The following MXRA5 variants were observed in gnomAD, a reference collection of about 807,000 sequenced individuals.
MXRA5 encodes matrix remodeling associated 5, also known as matrix-remodeling-associated protein 5.
Under a neutral mutation model 112.5 loss-of-function variants are expected in MXRA5, and 41 were observed. That is an observed-to-expected ratio of 0.36 (90% CI 0.28 to 0.47). MXRA5 has a LOEUF of 0.47. Among genes scored for constraint, MXRA5 ranks in the 20% least tolerant of loss-of-function variants. The pLI is 0.99. For synonymous variants in MXRA5, 862 were observed against 900.8 expected (o/e 0.96, Z 0.77); for missense variants, 2,150 against 2,251.0 (o/e 0.96, Z 0.91).
chrX:3,344,546 T>C (rs1286993947), intron 1 of MXRA5, among the ~76,000 whole-genome samples: 1 of 111,446 alleles, frequency 9.0e-6, no homozygotes, highest in African/African-American at 3.3e-5. Context: ...AGGGACTGCT[T>C]ATGAAATATA....
chrX:3,323,545 G>A lies in MXRA5; in HGVS notation c.2140C>T (p.Leu714Phe), dbSNP rs145533981. The A allele has an allele frequency of 1.1e-5, 13 of 1,211,136 alleles. No homozygotes were observed. Among genetic ancestry groups the A allele is most frequent in the Non-Finnish European group, 1.5e-5 (13 of 895,413 alleles). The change falls in exon 5 of 7, where the codon CTT (leucine) becomes TTT (phenylalanine). Residue 714 changes from leucine (L) to phenylalanine (F), a missense_variant. Coordinates refer to ENST00000217939, the MANE Select transcript of MXRA5 (RefSeq NM_015419.4). ...ACCTCTTGGTCCTTTGGATGCAGAA[G>A]TCTCCTTGAAGTGTTCTCTTCATCT... The part of the protein sequence containing the change: ...MGDEENTSRR[L>F]LHPKDQEVFL...
At position 3,330,000 on chromosome X, in the gene MXRA5, G is replaced by A. The variant is rs533145029; in HGVS notation, c.709+18C>T. On this transcript the variant is annotated intron_variant, in intron 4 of 6. Coordinates refer to ENST00000217939, the MANE Select transcript of MXRA5 (RefSeq NM_015419.4). ...AAGAATGTGCAGCTAGGAGTGGTCT[G>A]CTCTCCTCTCTTCTTACCTCTGGAT... 19 of 1,198,958 alleles carry A rather than the reference G, an allele frequency of 1.6e-5. No homozygotes were observed. The South Asian group carries it at 3.5e-4, about 22-fold the overall frequency.
intron 2 of MXRA5, among the ~76,000 whole-genome samples, chrX:3,334,339 G>A (rs1921737750): frequency 8.9e-6 from 1 of 111,760 alleles, no homozygotes; most frequent in Non-Finnish European, 1.9e-5. Context: ...TCCCAGAGAA[G>A]TTACCAAGCT....
intron 6 of MXRA5, among the ~76,000 whole-genome samples, chrX:3,312,729 AG>A (rs1237993062): frequency 1.7e-5 from 1 of 59,211 alleles, no homozygotes; most frequent in Non-Finnish European, 3.7e-5. Flanking sequence ...GCCTGGATGG[AG>A]TTTTTTTTAT....
chrX:3,315,255 C>T (rs1921064170), intron 6 of MXRA5, among the ~76,000 whole-genome samples: 1 of 107,096 alleles, frequency 9.3e-6, no homozygotes, highest in South Asian at 4.3e-4. Context: ...CTAAGGAACA[C>T]CTGATGCCTG....
rs148224914 is a variant in MXRA5, at chrX:3,317,941, C to T, written c.5740G>A (p.Val1914Met). 1,700 of 1,208,279 alleles carry T rather than the reference C, an allele frequency of 1.4e-3. 16 individuals are homozygous for T. Among genetic ancestry groups the T allele is most frequent in the Non-Finnish European group, 5.7e-4 (514 of 894,437 alleles). ...RFEVLKNGTL[V>M]IRKVQVQDRG... ...TCTTGTACTTGAACCTTCCGTATCA[C>T]TAAGGTACCGTTCTTGAGAACCTCA... is the stretch of plus-strand genomic sequence containing the variant. The change falls in exon 6 of 7, where the codon GTG (valine) becomes ATG (methionine). Residue 1914 changes from valine (V) to methionine (M), a missense_variant. By Grantham distance (21) the Val-to-Met change is conservative. Transcript: ENST00000217939.
chrX:3,344,387 T>C (rs1485686878), intron 1 of MXRA5, among the ~76,000 whole-genome samples: 1 of 111,963 alleles, frequency 8.9e-6, no homozygotes, highest in Non-Finnish European at 1.9e-5. Flanking sequence ...AGGTATTTGC[T>C]AGAAGGATAT....
At position 3,344,956 on chromosome X, in the gene MXRA5, T is replaced by TACAAACAA. The variant is rs150505334; in HGVS notation, c.-28-1103_-28-1096dup. ...GGAAAAACCCCGTCTCTACTAAAAA[T>TACAAACAA]ACAAACAAACAAACAAACAAAACAA... On this transcript the variant is annotated intron_variant, in intron 1 of 6. Transcript: ENST00000217939. Among the ~76,000 whole-genome samples, 265 of 108,779 alleles carry TACAAACAA rather than the reference T, an allele frequency of 2.4e-3. 1 individual carries two copies. The highest frequency in any genetic ancestry group is 8.2e-3 in the African/African-American group (243 of 29,747). 94.5% of individuals were successfully genotyped at this position (108,779 alleles called of 115,157 possible). A position where few individuals can be genotyped will look rare whatever the true frequency, so the allele number is the denominator to read the frequency against.
rs751855399 is a variant in MXRA5 at position 3,345,898 on chromosome X, C to T, written c.-29+617G>A. On this transcript the variant is annotated intron_variant, in intron 1 of 6. Coordinates refer to ENST00000217939, the MANE Select transcript of MXRA5 (RefSeq NM_015419.4). Reference sequence around the variant, plus strand: ...GTCCCCGCCGCCCGGGACTCGGACACCAAACCCCTTTTGTCTGCGTGATGA... The same window carrying T: ...GTCCCCGCCGCCCGGGACTCGGACATCAAACCCCTTTTGTCTGCGTGATGA... Among the ~76,000 whole-genome samples, 3 of 113,022 alleles carry T rather than the reference C, an allele frequency of 2.7e-5. No homozygotes were observed. The South Asian group carries it at 1.1e-3, about 41-fold the overall frequency.
Position 3,321,615 on chromosome X carries a change from G to A in MXRA5, c.4070C>T (p.Ser1357Phe). 8.3e-7 allele frequency: 1 copy of A among 1,210,962 alleles called. No homozygotes were observed. Among genetic ancestry groups the A allele is most frequent in the South Asian group, 1.8e-5 (1 of 56,946 alleles). ...SITNAIPTSRSLVSTMGEFKE... is the reference protein window; with the variant it reads ...SITNAIPTSRFLVSTMGEFKE... ...AAATTCTCCCATAGTGGAGACCAAG[G>A]AGCGAGAAGTTGGTATGGCATTAGT... The change falls in exon 5 of 7, where the codon TCC (serine) becomes TTC (phenylalanine). Residue 1357 changes from serine to phenylalanine, a missense_variant. Ser to Phe is a radical substitution (Grantham distance 155). Coordinates refer to ENST00000217939, the MANE Select transcript of MXRA5 (RefSeq NM_015419.4).
chrX:3,315,434 A>G (rs1354478858), intron 6 of MXRA5, among the ~76,000 whole-genome samples: 5 of 106,963 alleles, frequency 4.7e-5, no homozygotes, highest in Non-Finnish European at 9.6e-5. Context: ...CTTTCATGCT[A>G]AGACAGAGTT....
chrX:3,333,421 T>G (rs5983126), intron 2 of MXRA5, among the ~76,000 whole-genome samples: 2,109 of 110,170 alleles, frequency 0.019, 51 homozygotes, highest in African/African-American at 0.066. Flanking sequence ...ATTCCAAAGT[T>G]TTTTTCCTAT....
chrX:3,327,190 A>G (rs771918542), intron 4 of MXRA5, among the ~76,000 whole-genome samples: 16 of 78,645 alleles, frequency 2.0e-4, no homozygotes, highest in African/African-American at 8.5e-4. Context: ...AAAGCTCCTA[A>G]CTGGCTTTGC....
chrX:3,342,181 G>C (rs1922003543), intron 2 of MXRA5, among the ~76,000 whole-genome samples: 1 of 109,920 alleles, frequency 9.1e-6, no homozygotes, highest in South Asian at 4.0e-4. Flanking sequence ...ATAAATGGGA[G>C]TTGAACATTG....
rs1921187670 is a variant in MXRA5 at position 3,317,715 on chromosome X, C to T, written c.5966G>A (p.Arg1989Lys). Residue 1989 changes from arginine to lysine, a missense_variant, in exon 6 of 7, where the codon AGG becomes AAG. Physicochemically the swap from Arg to Lys is conservative, Grantham distance 26 (BLOSUM62 2). Around this residue, in one of 6 missense-constraint regions of MXRA5, gnomAD observed 1,485 missense variants for 1,471.6 expected, o/e 1.01. Coordinates refer to ENST00000217939, the MANE Select transcript of MXRA5 (RefSeq NM_015419.4). The stretch of plus-strand genomic sequence containing the variant: ...GGGGGACACAGTTTGCCACACCCTC[C>T]TGTCAGGGAAGATCCAGGAAATTTG... ...APQISWIFPD[R>K]RVWQTVSPVE... The T allele has an allele frequency of 1.7e-6, 2 of 1,204,925 alleles. No individual in the cohort carries two copies. Among genetic ancestry groups the T allele is most frequent in the Non-Finnish European group, 1.1e-6 (1 of 891,274 alleles).
intron 2 of MXRA5, among the ~76,000 whole-genome samples, chrX:3,334,498 C>T (rs907569443): frequency 3.8e-4 from 42 of 111,181 alleles, no homozygotes; most frequent in African/African-American, 1.3e-3. Flanking sequence ...GGAATAGGTA[C>T]ACCAAGGCTG....
Position 3,310,849 on chromosome X carries a change from C to T in MXRA5, c.7354G>A (p.Val2452Met), listed in dbSNP as rs199511755. The T allele has an allele frequency of 2.8e-5, 34 of 1,207,203 alleles. No individual in the cohort carries two copies. Among genetic ancestry groups the T allele is most frequent in the African/African-American group, 3.5e-5 (2 of 56,607 alleles). The change falls in exon 7 of 7, where the codon GTG (valine) becomes ATG (methionine). Residue 2452 changes from valine to methionine, a missense_variant. Val to Met is a conservative substitution (Grantham distance 21). Around this residue, in one of 6 missense-constraint regions of MXRA5, gnomAD observed 93 missense variants for 135.5 expected, o/e 0.69. Transcript: ENST00000217939. ...CTGCCCCCGGCTGCTATCTCCCGCA[C>T]AGTGGTGATGGGGTTGGGGTTACCG... ...INGNPNPITTVREIAAGGSRK... is the reference protein window; with the variant it reads ...INGNPNPITTMREIAAGGSRK...
At position 3,324,795 on chromosome X, in the gene MXRA5, T is replaced by C; in HGVS notation, c.890A>G (p.Glu297Gly). The C allele has an allele frequency of 8.3e-7, 1 of 1,211,029 alleles. No individual in the cohort carries two copies. The change falls in exon 5 of 7, where the codon GAA becomes GGA. Residue 297 changes from glutamate to glycine, a missense_variant. Around this residue, in one of 6 missense-constraint regions of MXRA5, gnomAD observed 386 missense variants for 411.0 expected, o/e 0.94. Coordinates refer to ENST00000217939, the MANE Select transcript of MXRA5 (RefSeq NM_015419.4). ...NRSRSIEEEQ[E>G]QEEDGGSQLI... Reference sequence around the variant, plus strand: ...CTGGCTGCCACCATCCTCTTCCTGTTCTTGCTCCTCCTCAATACTCCTGCT... The same window carrying C: ...CTGGCTGCCACCATCCTCTTCCTGTCCTTGCTCCTCCTCAATACTCCTGCT...
intron 1 of MXRA5, among the ~76,000 whole-genome samples, chrX:3,346,219 G>A (rs779515175): frequency 3.0e-4 from 34 of 111,980 alleles, no homozygotes; most frequent in African/African-American, 1.1e-3. Context: ...GGGATGGGGA[G>A]CGCTTTGGGG....
Sources: allele counts gnomAD v4.1 joint callset (sites outside exome capture counted in the v4.1 genomes callset), GRCh38; gene constraint gnomAD v4.1.1; regional missense constraint gnomAD v4.1.1; transcripts MANE v1.5; gene names NCBI Gene and HGNC (gene_info 2026-07-23, HGNC 2026-07-21).